Variants in HIP1 observed in about 807,000 individuals in gnomAD.
The protein encoded by HIP1 is huntingtin interacting protein 1, also known as huntingtin-interacting protein 1.
Under a neutral mutation model 147.6 loss-of-function variants are expected in HIP1, and 65 were observed. That is an observed-to-expected ratio of 0.44 (90% CI 0.36 to 0.54). The LOEUF (loss-of-function observed/expected upper bound fraction) is 0.54. Ranked by LOEUF, HIP1 falls within the 20% of genes least tolerant of loss-of-function variation. The pLI is 0.00. For missense variants in HIP1, 1,061 were observed against 1,299.6 expected, an observed-to-expected ratio of 0.82 and a Z score of 2.82; for synonymous variants, 479 against 504.0, an observed-to-expected ratio of 0.95 and a Z score of 0.67.
intron 1 of HIP1, among the ~76,000 whole-genome samples, chr7:75,668,544 C>G (rs1173603550): frequency 6.6e-6 from 1 of 152,008 alleles, no homozygotes; most frequent in Admixed American, 6.6e-5. Flanking sequence ...AGGCTGGTCT[C>G]GAACTCCTGA....
chr7:75,577,310 C>T (rs140752588), intron 7 of HIP1, among the ~76,000 whole-genome samples: 1,384 of 132,076 alleles, frequency 0.01, 9 homozygotes, highest in Non-Finnish European at 0.013. Flanking sequence ...CCAGCCTCGG[C>T]GACAGAGTGA....
chr7:75,699,895 G>T (rs1474596155), intron 1 of HIP1, among the ~76,000 whole-genome samples: 1 of 151,902 alleles, frequency 6.6e-6, no homozygotes, highest in Non-Finnish European at 1.5e-5. Flanking sequence ...CTGTCACCCA[G>T]GCTGGAGTGC....
At chr7:75,719,125 C>T (rs1801413241) in intron 1 of HIP1, among the ~76,000 whole-genome samples, 1 of 151,822 alleles carries the variant, frequency 6.6e-6, no homozygotes, top group African/African-American at 2.4e-5. Flanking sequence ...CAAGGCCAGC[C>T]TGGGCAACAT....
chr7:75,671,309 G>T (rs1026775078), intron 1 of HIP1, among the ~76,000 whole-genome samples: 1 of 152,038 alleles, frequency 6.6e-6, no homozygotes, highest in Non-Finnish European at 1.5e-5. Context: ...GGCTAGGCTG[G>T]TCTCAAACTC....
intron 1 of HIP1, chr7:75,626,520 C>T (rs1554508024): frequency 6.6e-6 from 1 of 152,082 alleles, no homozygotes; most frequent in African/African-American, 2.4e-5. Context: ...ATTCATCTGC[C>T]CTCACCACAA....
At chr7:75,585,419 G>A (rs1351955811) in intron 5 of HIP1, among the ~76,000 whole-genome samples, 3 of 152,006 alleles carry the variant, frequency 2.0e-5, no homozygotes, top group South Asian at 2.1e-4. Context: ...CAGACGATCC[G>A]CCCGCCTTGG....
intron 1 of HIP1, among the ~76,000 whole-genome samples, chr7:75,728,547 A>G (rs1355357146): frequency 6.6e-6 from 1 of 152,192 alleles, no homozygotes; most frequent in Non-Finnish European, 1.5e-5. Context: ...AGGCAGTGGA[A>G]TAAGTGGGCC....
In HIP1 at chr7:75,538,045, G is replaced by A. The variant is rs1470060257; in HGVS notation, c.*127C>T. On this transcript the variant is annotated 3_prime_UTR_variant, in exon 31 of 31. Transcript: ENST00000336926. ...CTTTGGAAGTGTCATGCATGTCCTCGGCACTGGGTAATGGCAGTGGTGTGG... is the reference window on the plus strand; with the variant it reads ...CTTTGGAAGTGTCATGCATGTCCTCAGCACTGGGTAATGGCAGTGGTGTGG... 2.1e-5 allele frequency: 16 copies of A among 773,544 alleles called. No individual in the cohort carries two copies. Among genetic ancestry groups the A allele is most frequent in the African/African-American group, 3.4e-5 (2 of 58,548 alleles). 47.9% of individuals were successfully genotyped at this position (773,544 alleles called of 1,614,324 possible).
At chr7:75,659,632 G>A (rs1554513284) in intron 1 of HIP1, among the ~76,000 whole-genome samples, 12 of 151,874 alleles carry the variant, frequency 7.9e-5, no homozygotes, top group Non-Finnish European at 5.9e-5. Flanking sequence ...CTGGGTGACA[G>A]AGCGAGACTC....
chr7:75,705,039 C>T (rs543345864), intron 1 of HIP1, among the ~76,000 whole-genome samples: 1 of 152,138 alleles, frequency 6.6e-6, no homozygotes, highest in Admixed American at 6.5e-5. Flanking sequence ...TAAAATTTAC[C>T]ATCTGAACCA....
intron 1 of HIP1, among the ~76,000 whole-genome samples, chr7:75,693,114 G>A (rs1563297197): frequency 6.6e-6 from 1 of 151,022 alleles, no homozygotes; most frequent in Non-Finnish European, 1.5e-5. Context: ...GCAGTGAGCC[G>A]AGATCATGCC....
chr7:75,557,841 C>T, intron 15 of HIP1, 71 bp from the exon 16 acceptor site: 1 of 1,162,968 alleles, frequency 8.6e-7, no homozygotes, highest in Admixed American at 1.7e-5. Context: ...CTAGGACAAT[C>T]ATACTCAGGC....
chr7:75,735,595 A>G (rs1165050658), intron 1 of HIP1, among the ~76,000 whole-genome samples: 2 of 151,886 alleles, frequency 1.3e-5, no homozygotes, highest in Non-Finnish European at 2.9e-5. Context: ...ACCTCATAAT[A>G]CATTTGATAG....
At position 75,533,969 on chromosome 7, in the gene HIP1, G is replaced by A. The variant is rs1793991606; in HGVS notation, c.*4203C>T. On this transcript the variant is annotated 3_prime_UTR_variant, in exon 31 of 31. Coordinates refer to ENST00000336926, the MANE Select transcript of HIP1 (RefSeq NM_005338.7). ...TGGAAAGCCAATGTTGGAACTGGAG[G>A]CTTTCCCTGGCAGGATTTCCAGAGA... The A allele has an allele frequency of 4.3e-6, 1 of 232,262 alleles. No homozygotes were observed. The highest frequency in any genetic ancestry group is 1.8e-4 in the South Asian group (1 of 5,522). 14.4% of individuals were successfully genotyped at this position (232,262 alleles called of 1,614,324 possible). A position where few individuals can be genotyped will look rare whatever the true frequency, so the allele number is the denominator to read the frequency against.
At chr7:75,619,384 G>A (rs587742737) in intron 1 of HIP1, among the ~76,000 whole-genome samples, 205 of 152,082 alleles carry the variant, frequency 1.3e-3, no homozygotes, top group African/African-American at 4.7e-3. Flanking sequence ...TTAGCCAGGT[G>A]TGGTGGCGTG....
At chr7:75,688,823 C>T (rs1478495504) in intron 1 of HIP1, among the ~76,000 whole-genome samples, 1 of 152,214 alleles carries the variant, frequency 6.6e-6, no homozygotes, top group African/African-American at 2.4e-5. Flanking sequence ...GTGTCCCTGA[C>T]TTGGGTGACA....
intron 1 of HIP1, among the ~76,000 whole-genome samples, chr7:75,647,584 G>A (rs1201207236): frequency 3.3e-5 from 5 of 152,192 alleles, no homozygotes; most frequent in East Asian, 3.9e-4. Context: ...CATGAAAGGC[G>A]GAATGAGTGG....
At chr7:75,538,463 G>A (rs60526335) in intron 30 of HIP1, among the ~76,000 whole-genome samples, 1,901 of 151,934 alleles carry the variant, frequency 0.013, 41 homozygotes, top group African/African-American at 0.043. Context: ...GACTGCTTTC[G>A]ACATGCAGAC....
intron 1 of HIP1, among the ~76,000 whole-genome samples, chr7:75,612,591 C>A (rs1243442118): frequency 6.6e-6 from 1 of 151,702 alleles, no homozygotes; most frequent in Non-Finnish European, 1.5e-5. Context: ...GGTGGATCAC[C>A]TGAGGTCAGG....
Sources: allele counts gnomAD v4.1 joint callset (sites outside exome capture counted in the v4.1 genomes callset), GRCh38; gene constraint gnomAD v4.1.1; transcripts MANE v1.5; gene names NCBI Gene and HGNC (gene_info 2026-07-23, HGNC 2026-07-21).